EYS: variants seen among roughly 807,000 people sequenced by gnomAD.
EYS encodes the protein protein eyes shut homolog.
EYS carries 250 observed loss-of-function variants against 282.1 expected under a neutral mutation model. The observed-to-expected ratio is 0.89, with a 90% CI of 0.80 to 0.98. EYS has a LOEUF of 0.98. EYS is among the 50% of genes least tolerant of loss of function. The pLI, the probability that EYS is intolerant of heterozygous loss-of-function variation, is 0.00. For synonymous variants in EYS, 1,355 were observed against 1,282.9 expected (o/e 1.06, Z -1.20); for missense variants, 4,016 against 3,709.0 (o/e 1.08, Z -2.15).
chr6:64,749,589 A>G (rs559141929), intron 22 of EYS, among the ~76,000 whole-genome samples: 55 of 152,334 alleles, frequency 3.6e-4, no homozygotes, highest in Non-Finnish European at 6.6e-4. Flanking sequence ...CAGGTTGAAT[A>G]ATTCAACGAC....
intron 13 of EYS, among the ~76,000 whole-genome samples, chr6:65,024,934 G>A (rs1358407831): frequency 6.6e-6 from 1 of 152,126 alleles, no homozygotes; most frequent in East Asian, 1.9e-4. Flanking sequence ...GGGTGATTAA[G>A]GGTAGTGAAT....
chr6:65,145,286 T>A (rs1764449159), intron 12 of EYS, among the ~76,000 whole-genome samples: 1 of 151,460 alleles, frequency 6.6e-6, no homozygotes, highest in Admixed American at 6.6e-5. Flanking sequence ...CATATATTGT[T>A]ACTATTTTTT....
chr6:64,297,187 A>T (rs1004253210), intron 30 of EYS, among the ~76,000 whole-genome samples: 1 of 152,124 alleles, frequency 6.6e-6, no homozygotes, highest in Non-Finnish European at 1.5e-5. Context: ...ACTGCTTCTG[A>T]TAATAGAGCT....
chr6:63,722,358 C>G (rs1307689142), intron 42 of EYS, among the ~76,000 whole-genome samples: 2 of 151,608 alleles, frequency 1.3e-5, no homozygotes, highest in Non-Finnish European at 3.0e-5. Flanking sequence ...GTGTCACTTC[C>G]TCAGAGAAGT....
At chr6:65,685,226 C>T (rs1410005153) in intron 1 of EYS, among the ~76,000 whole-genome samples, 1 of 151,980 alleles carries the variant, frequency 6.6e-6, no homozygotes, top group Non-Finnish European at 1.5e-5. Context: ...TGAAGAAGAA[C>T]CTCAATTTGA....
intron 2 of EYS, among the ~76,000 whole-genome samples, chr6:65,615,677 G>C (rs1253613205): frequency 1.3e-5 from 2 of 152,096 alleles, no homozygotes; most frequent in East Asian, 3.9e-4. Context: ...GCTCACGCCT[G>C]TAATCCCAGC....
rs569192392 is a variant in EYS, at chr6:65,355,075, G to A, written c.1300-1458C>T. Among the ~76,000 whole-genome samples, 3 of 152,038 alleles carry A rather than the reference G, an allele frequency of 2.0e-5. No individual in the cohort carries two copies. The South Asian group carries it at 6.2e-4, about 32-fold the overall frequency. ...CCTCATTGTGATAGAAAATATGAAG[G>A]CCTAATGAATTCTGAATATATGACT... On this transcript the variant is annotated intron_variant, in intron 8 of 42. Transcript: ENST00000503581.
intron 26 of EYS, among the ~76,000 whole-genome samples, chr6:64,490,155 T>C (rs1457491197): frequency 6.6e-6 from 1 of 150,878 alleles, no homozygotes. Flanking sequence ...AGTGGAAATC[T>C]AGGGTTCAGA....
At chr6:64,833,840 T>C (rs1329247604) in intron 19 of EYS, among the ~76,000 whole-genome samples, 2 of 151,896 alleles carry the variant, frequency 1.3e-5, no homozygotes, top group East Asian at 3.9e-4. Context: ...AGATGACAAA[T>C]GGAATCACTT....
intron 35 of EYS, among the ~76,000 whole-genome samples, chr6:63,924,831 C>T (rs901302933): frequency 1.3e-4 from 20 of 152,164 alleles, no homozygotes; most frequent in African/African-American, 4.8e-4. Flanking sequence ...CTCTTTGGTG[C>T]ATAACAGAAA....
At chr6:64,930,247 G>A (rs1768668371) in intron 15 of EYS, among the ~76,000 whole-genome samples, 2 of 151,942 alleles carry the variant, frequency 1.3e-5, no homozygotes, top group African/African-American at 2.4e-5. Flanking sequence ...CCCTGTGTCT[G>A]TTATATCTGT....
intron 34 of EYS, among the ~76,000 whole-genome samples, chr6:63,995,237 C>G (rs139261700): frequency 1.3e-5 from 2 of 151,976 alleles, no homozygotes; most frequent in Admixed American, 1.3e-4. Flanking sequence ...AAAAAATAGG[C>G]AAAAGACTTG....
intron 33 of EYS, among the ~76,000 whole-genome samples, chr6:64,050,282 A>G (rs1475690196): frequency 1.3e-5 from 2 of 151,762 alleles, no homozygotes; most frequent in East Asian, 3.9e-4. Flanking sequence ...ACCCCCTGCC[A>G]TTATGTTGTA....
chr6:64,412,082 GA>G (rs1773919780), intron 28 of EYS, among the ~76,000 whole-genome samples: 1 of 150,502 alleles, frequency 6.6e-6, no homozygotes, highest in South Asian at 2.1e-4. Flanking sequence ...ACTAGATTAT[GA>G]AATAAACTGA....
At chr6:64,215,604 G>C (rs908681150) in intron 31 of EYS, among the ~76,000 whole-genome samples, 1 of 151,944 alleles carries the variant, frequency 6.6e-6, no homozygotes, top group African/African-American at 2.4e-5. Context: ...CAAGGTATTT[G>C]CCAAATATAC....
chr6:64,092,305 T>C (rs180754921), intron 31 of EYS, among the ~76,000 whole-genome samples: 1 of 152,358 alleles, frequency 6.6e-6, no homozygotes. Flanking sequence ...ATTCTAGTTG[T>C]AGATCCCTGA....
At chr6:65,621,650 G>A (rs571548140) in intron 2 of EYS, among the ~76,000 whole-genome samples, 8 of 151,924 alleles carry the variant, frequency 5.3e-5, no homozygotes, top group South Asian at 2.1e-4. Flanking sequence ...TCCTAGTCTC[G>A]ATGGTCTTTA....
chr6:65,008,501 C>A (rs2144709), intron 13 of EYS, among the ~76,000 whole-genome samples: 10,291 of 152,166 alleles, frequency 0.068, 436 homozygotes, highest in East Asian at 0.13. Flanking sequence ...GGCCCTCAGG[C>A]AAGCGGACTT....
intron 22 of EYS, among the ~76,000 whole-genome samples, chr6:64,629,254 T>C (rs1173637827): frequency 6.6e-6 from 1 of 152,178 alleles, no homozygotes; most frequent in Admixed American, 6.5e-5. Flanking sequence ...AAAGACATCA[T>C]AGAAAAGGCT....
Sources: gnomAD v4.1 joint callset for allele counts (sites outside exome capture counted in the v4.1 genomes callset) on GRCh38, gnomAD v4.1.1 for gene constraint, MANE v1.5 for transcripts, NCBI Gene and HGNC (gene_info 2026-07-23, HGNC 2026-07-21) for gene names.